Variants in TTC8 observed in about 807,000 individuals in gnomAD.
TTC8 encodes tetratricopeptide repeat protein 8.
A neutral mutation model predicts 72.5 loss-of-function variants in TTC8; 47 were observed. The observed-to-expected ratio is 0.65, with a 90% CI of 0.51 to 0.83. The LOEUF is 0.83. Among genes scored for constraint, TTC8 ranks in the 40% least tolerant of loss-of-function variants. The pLI is 0.00. For synonymous variants in TTC8, 199 were observed against 221.4 expected, an observed-to-expected ratio of 0.90 and a Z score of 0.90; for missense variants, 611 against 623.2, an observed-to-expected ratio of 0.98 and a Z score of 0.21.
intron 6 of TTC8, among the ~76,000 whole-genome samples, chr14:88,843,044 G>C (rs538691285): frequency 6.6e-6 from 1 of 152,144 alleles, no homozygotes; most frequent in East Asian, 1.9e-4. Context: ...ATTTTCCAGG[G>C]CTGTTAGCCT....
intron 1 of TTC8, among the ~76,000 whole-genome samples, chr14:88,830,063 C>G (rs1194573998): frequency 6.6e-6 from 1 of 152,190 alleles, no homozygotes; most frequent in Non-Finnish European, 1.5e-5. Flanking sequence ...ATCAATTCCT[C>G]TATTCTCTTA....
intron 8 of TTC8, among the ~76,000 whole-genome samples, chr14:88,856,630 G>A (rs2094857397): frequency 6.6e-6 from 1 of 152,154 alleles, no homozygotes; most frequent in South Asian, 2.1e-4. Context: ...GCAAATCTCA[G>A]ATTCATAGAC....
intron 14 of TTC8, among the ~76,000 whole-genome samples, chr14:88,875,827 A>G (rs1392709897): frequency 6.6e-6 from 1 of 152,224 alleles, no homozygotes; most frequent in Admixed American, 6.5e-5. Context: ...ACTGTCATTC[A>G]TGAGTTGTAA....
chr14:88,860,280 G>A lies in TTC8; in HGVS notation c.799-942G>A, dbSNP rs528286993. 5.9e-5 allele frequency among the ~76,000 whole-genome samples: 9 copies of A among 151,958 alleles called. No individual in the cohort carries two copies. The South Asian group carries it at 1.9e-3, about 32-fold the overall frequency. ...TTTTTTCTCAAAGCACACCCTTACT[G>A]TTTAGAAAGTGGATCCGAAAATCAT... is the stretch of plus-strand genomic sequence containing the variant. On this transcript the variant is annotated intron_variant, in intron 9 of 14. Transcript: ENST00000380656.
At position 88,840,853 on chromosome 14, in the gene TTC8, C is replaced by T. The variant is rs767682179; in HGVS notation, c.266-12C>T. On this transcript the variant is annotated splice_polypyrimidine_tract_variant and intron_variant, in intron 3 of 14. Transcript: ENST00000380656. ...ATAATATATAAATTGTATTAGCCATCTTGTCTCCTAGGCCCTGGAACGTCT... is the reference window on the plus strand; with the variant it reads ...ATAATATATAAATTGTATTAGCCATTTTGTCTCCTAGGCCCTGGAACGTCT... The T allele has an allele frequency of 1.2e-6, 2 of 1,613,694 alleles. No homozygotes were observed. Among genetic ancestry groups the T allele is most frequent in the Non-Finnish European group, 1.7e-6 (2 of 1,179,686 alleles).
At chr14:88,844,761 A>G (rs2094798366) in intron 7 of TTC8, among the ~76,000 whole-genome samples, 1 of 151,230 alleles carries the variant, frequency 6.6e-6, no homozygotes, top group African/African-American at 2.4e-5. Flanking sequence ...TATGTTTCCC[A>G]GGCTGGTCTT....
At chr14:88,880,673 G>C (rs2141053918), downstream of TTC8, 1 of 152,196 alleles carries the variant, frequency 6.6e-6, no homozygotes. Context: ...CCTTGCAACT[G>C]TCACCGCCCC....
intron 2 of TTC8, chr14:88,836,964 G>T: frequency 4.6e-6 from 1 of 218,142 alleles, no homozygotes; most frequent in Non-Finnish European, 9.7e-6. Flanking sequence ...GGGAGGCTGA[G>T]GCAGGAGAAT....
chr14:88,852,034 G>A (rs2140997904), intron 7 of TTC8, among the ~76,000 whole-genome samples: 1 of 152,228 alleles, frequency 6.6e-6, no homozygotes, highest in South Asian at 2.1e-4. Flanking sequence ...CTGAGCTCTT[G>A]GATATCATGA....
chr14:88,858,843 C>A (rs1233731150), intron 9 of TTC8, among the ~76,000 whole-genome samples: 3 of 142,930 alleles, frequency 2.1e-5, no homozygotes, highest in Non-Finnish European at 4.5e-5. Context: ...CTCAAGCGAT[C>A]CTCTGGCCTC....
At chr14:88,840,586 C>T (rs894324464) in intron 3 of TTC8, among the ~76,000 whole-genome samples, 2 of 152,064 alleles carry the variant, frequency 1.3e-5, no homozygotes, top group African/African-American at 2.4e-5. Flanking sequence ...AATCCCAGCC[C>T]TACTAATAGG....
chr14:88,864,937 G>T lies in TTC8; in HGVS notation c.909+3605G>T, dbSNP rs573778981. Reference sequence around the variant, plus strand: ...CATACATCATGCTTGGCCCTGGCTGGAGGGATTCCATTCCTTTATGTTCTC... The same window carrying T: ...CATACATCATGCTTGGCCCTGGCTGTAGGGATTCCATTCCTTTATGTTCTC... On this transcript the variant is annotated intron_variant, in intron 10 of 14. Transcript: ENST00000380656. 7.9e-5 allele frequency among the ~76,000 whole-genome samples: 12 copies of T among 152,276 alleles called. No individual in the cohort carries two copies. In the South Asian group the frequency reaches 2.5e-3, roughly 32 times the overall value.
intron 1 of TTC8, among the ~76,000 whole-genome samples, chr14:88,827,776 AATTAAT>A (rs1228164377): frequency 6.6e-6 from 1 of 152,212 alleles, no homozygotes; most frequent in African/African-American, 2.4e-5. Context: ...TCATTAAAAA[AATTAAT>A]ATTTATGTTA....
Position 88,843,853 on chromosome 14 carries a change from A to G in TTC8, c.624+3A>G. On this transcript the variant is annotated splice_donor_region_variant and intron_variant, in intron 7 of 14. Coordinates refer to ENST00000380656, the MANE Select transcript of TTC8 (RefSeq NM_144596.4). The stretch of plus-strand genomic sequence containing the variant: ...ATCATGAAAATGATGTTAAGACTGT[A>G]AGTTTTGAATTCATGCTATTTTCTT... 1 of 1,581,098 alleles carries G rather than the reference A, an allele frequency of 6.3e-7. No homozygotes were observed. Among genetic ancestry groups the G allele is most frequent in the South Asian group, 1.1e-5 (1 of 87,826 alleles).
chr14:88,857,138 G>T, intron 8 of TTC8, 52 bp from the exon 9 acceptor site: 1 of 1,476,488 alleles, frequency 6.8e-7, no homozygotes, highest in East Asian at 2.3e-5. Context: ...AGGGTATGAT[G>T]TAGTGTTTAT....
intron 1 of TTC8, among the ~76,000 whole-genome samples, chr14:88,825,152 GC>G (rs947157866): frequency 5.3e-5 from 8 of 152,186 alleles, no homozygotes; most frequent in African/African-American, 1.9e-4. Flanking sequence ...ATATTGATGG[GC>G]TTTAAGCTCT....
At chr14:88,872,288 G>T in intron 12 of TTC8, 42 bp from the exon 13 acceptor site, 1 of 1,611,978 alleles carries the variant, frequency 6.2e-7, no homozygotes, top group South Asian at 1.1e-5. Context: ...GGAGGAGGAA[G>T]TAAACGGACC....
chr14:88,876,495 A>G (rs553385165), intron 14 of TTC8, among the ~76,000 whole-genome samples: 14 of 152,314 alleles, frequency 9.2e-5, no homozygotes, highest in Middle Eastern at 6.8e-3. Flanking sequence ...CAAAATAGCT[A>G]GAAGATTTGA....
At chr14:88,848,379 A>G (rs1311035459) in intron 7 of TTC8, among the ~76,000 whole-genome samples, 1 of 152,180 alleles carries the variant, frequency 6.6e-6, no homozygotes, top group East Asian at 1.9e-4. Context: ...GTGATATTAC[A>G]CATGGTACCA....
Sources: allele counts gnomAD v4.1 joint callset (sites outside exome capture counted in the v4.1 genomes callset), GRCh38; gene constraint gnomAD v4.1.1; transcripts MANE v1.5; gene names NCBI Gene and HGNC (gene_info 2026-07-23, HGNC 2026-07-21).